Variants in CATSPERB observed in about 807,000 individuals in gnomAD.
CATSPERB encodes the protein cation channel sperm-associated auxiliary subunit beta.
Under a neutral mutation model 128.3 loss-of-function variants are expected in CATSPERB, and 93 were observed. The ratio of observed to expected loss-of-function variants is 0.72; its 90% CI spans 0.61 to 0.86. The LOEUF is 0.86. Among genes scored for constraint, CATSPERB ranks in the 40% least tolerant of loss-of-function variants. CATSPERB has a pLI of 0.00. For missense variants in CATSPERB, 1,153 were observed against 1,329.5 expected, an observed-to-expected ratio of 0.87 and a Z score of 2.06; for synonymous variants, 381 against 448.8, an observed-to-expected ratio of 0.85 and a Z score of 1.91.
intron 5 of CATSPERB, among the ~76,000 whole-genome samples, chr14:91,714,277 C>CAAAAAAAAAAAA (rs35951126): frequency 2.1e-4 from 23 of 111,240 alleles, no homozygotes; most frequent in African/African-American, 3.6e-4. Flanking sequence ...TACAATAAGG[C>CAAAAAAAAAAAA]AAAAAAAAAA....
intron 9 of CATSPERB, among the ~76,000 whole-genome samples, chr14:91,692,175 C>CAAA (rs748422210): frequency 1.3e-3 from 73 of 54,444 alleles, no homozygotes; most frequent in African/African-American, 1.6e-3. Flanking sequence ...GACTCAGTCT[C>CAAA]AAAAAAAAAA....
At chr14:91,669,158 G>T (rs141628715) in intron 14 of CATSPERB, among the ~76,000 whole-genome samples, 10 of 152,066 alleles carry the variant, frequency 6.6e-5, no homozygotes, top group South Asian at 2.1e-4. Flanking sequence ...CTAGAAACAG[G>T]GTATCATCTT....
intron 5 of CATSPERB, among the ~76,000 whole-genome samples, chr14:91,713,578 T>C (rs2139771888): frequency 6.6e-6 from 1 of 152,302 alleles, no homozygotes; most frequent in South Asian, 2.1e-4. Flanking sequence ...TTAGATGAAA[T>C]GGACATTTTC....
chr14:91,727,488 A>G (rs755864008), intron 2 of CATSPERB, among the ~76,000 whole-genome samples: 2 of 152,246 alleles, frequency 1.3e-5, no homozygotes, highest in Admixed American at 6.5e-5. Context: ...TTGAAATTCT[A>G]TAAGTAAACA....
intron 17 of CATSPERB, among the ~76,000 whole-genome samples, chr14:91,631,793 T>C (rs1037277516): frequency 6.6e-6 from 1 of 152,160 alleles, no homozygotes; most frequent in Non-Finnish European, 1.5e-5. Context: ...GGACTCATTC[T>C]TGAGAAATAT....
At chr14:91,589,785 C>T in intron 23 of CATSPERB, 116 bp from the exon 24 acceptor site, 1 of 893,578 alleles carries the variant, frequency 1.1e-6, no homozygotes. Flanking sequence ...ATGACATGTG[C>T]TCCTGAGGGG....
chr14:91,694,192 C>A (rs1895519106), intron 7 of CATSPERB, among the ~76,000 whole-genome samples: 1 of 152,082 alleles, frequency 6.6e-6, no homozygotes, highest in African/African-American at 2.4e-5. Context: ...CGCCTATAAT[C>A]CCAGCACTTT....
At chr14:91,689,972 T>C (rs962075673) in intron 10 of CATSPERB, among the ~76,000 whole-genome samples, 2 of 152,172 alleles carry the variant, frequency 1.3e-5, no homozygotes, top group African/African-American at 4.8e-5. Context: ...ACAAAATGTA[T>C]AACTTATTTT....
At chr14:91,719,357 G>C (rs1895992329) in intron 5 of CATSPERB, 61 bp downstream of exon 5, 1 of 1,193,232 alleles carries the variant, frequency 8.4e-7, no homozygotes, top group Non-Finnish European at 1.2e-6. Flanking sequence ...AATTCTTTTT[G>C]TTCTTTTTAT....
intron 7 of CATSPERB, among the ~76,000 whole-genome samples, chr14:91,698,353 T>G (rs887444891): frequency 6.6e-6 from 1 of 152,192 alleles, no homozygotes; most frequent in Non-Finnish European, 1.5e-5. Flanking sequence ...TTCTGTTGGA[T>G]GCCTCCTTCT....
intron 14 of CATSPERB, among the ~76,000 whole-genome samples, chr14:91,666,966 C>G (rs1447130401): frequency 2.0e-5 from 3 of 152,202 alleles, no homozygotes; most frequent in Non-Finnish European, 4.4e-5. Flanking sequence ...GATGGAAGTT[C>G]ATTTGTGGAG....
Position 91,614,341 on chromosome 14 carries a change from C to T in CATSPERB, c.2400+3256G>A, listed in dbSNP as rs753746328. Among the ~76,000 whole-genome samples the T allele has an allele frequency of 5.3e-4, 81 of 152,202 alleles. 1 individual carries two copies. Among genetic ancestry groups the T allele is most frequent in the South Asian group, 2.1e-3 (10 of 4,820 alleles). On this transcript the variant is annotated intron_variant, in intron 20 of 26. Transcript: ENST00000256343. ...AACCTCTACACTGCCTTTTTAAATA[C>T]CCAAAATGTTAAAAGTGCTTAGTCA...
chr14:91,720,749 AT>A (rs1896013861), intron 4 of CATSPERB, among the ~76,000 whole-genome samples: 1 of 152,166 alleles, frequency 6.6e-6, no homozygotes, highest in Admixed American at 6.5e-5. Context: ...AATTCATATT[AT>A]TTTATGTAAC....
At chr14:91,603,592 A>G (rs970156152) in intron 22 of CATSPERB, among the ~76,000 whole-genome samples, 8 of 152,162 alleles carry the variant, frequency 5.3e-5, no homozygotes, top group Admixed American at 2.6e-4. Context: ...CTCAGAAGAG[A>G]GGTTTAATTG....
chr14:91,721,579 A>C (rs1266037145), intron 4 of CATSPERB, among the ~76,000 whole-genome samples: 1 of 152,082 alleles, frequency 6.6e-6, no homozygotes, highest in Non-Finnish European at 1.5e-5. Context: ...GCCAGGCATG[A>C]TGGCTCATGC....
Position 91,580,999 on chromosome 14 carries a change from G to C in CATSPERB, c.3241C>G (p.Gln1081Glu), listed in dbSNP as rs1341730442. The C allele has an allele frequency of 1.9e-6, 3 of 1,614,138 alleles. No homozygotes were observed. Among genetic ancestry groups the C allele is most frequent in the Non-Finnish European group, 2.5e-6 (3 of 1,179,956 alleles). The change falls in exon 27 of 27, where the codon CAA becomes GAA. Residue 1081 changes from glutamine (Q) to glutamate (E), a missense_variant. By Grantham distance (29) the Gln-to-Glu change is conservative. Transcript: ENST00000256343. ...AATGTCCTCCACGGATGGATGCCTT[G>C]CAGTTGAAACATAAATGCTATAAAA... is the stretch of plus-strand genomic sequence containing the variant. ...LIFIAFMFQL[Q>E]GIHPWRTFQR... is the part of the protein sequence containing the mutation.
intron 15 of CATSPERB, among the ~76,000 whole-genome samples, chr14:91,650,655 T>G (rs1894688037): frequency 6.7e-6 from 1 of 150,300 alleles, no homozygotes; most frequent in African/African-American, 2.5e-5. Context: ...CATTATTGAT[T>G]TTGGTTTCCT....
At chr14:91,638,265 T>C (rs1397231532) in intron 16 of CATSPERB, among the ~76,000 whole-genome samples, 1 of 152,156 alleles carries the variant, frequency 6.6e-6, no homozygotes, top group Non-Finnish European at 1.5e-5. Context: ...ATATTATACA[T>C]TAAACTATTA....
intron 11 of CATSPERB, among the ~76,000 whole-genome samples, chr14:91,683,370 G>A (rs1057299557): frequency 6.6e-6 from 1 of 152,180 alleles, no homozygotes; most frequent in African/African-American, 2.4e-5. Context: ...ATTTCACAAT[G>A]GAAAGTTGCA....
Sources: gnomAD v4.1 joint callset for allele counts (sites outside exome capture counted in the v4.1 genomes callset) on GRCh38, gnomAD v4.1.1 for gene constraint, MANE v1.5 for transcripts, NCBI Gene and HGNC (gene_info 2026-07-23, HGNC 2026-07-21) for gene names.